WDFY3: variants seen among roughly 807,000 people sequenced by gnomAD.
The protein encoded by WDFY3 is WD repeat and FYVE domain-containing protein 3.
Under a neutral mutation model 409.6 loss-of-function variants are expected in WDFY3, and 66 were observed. The ratio of observed to expected loss-of-function variants is 0.16; its 90% CI spans 0.13 to 0.20. The LOEUF (loss-of-function observed/expected upper bound fraction) is 0.20. Ranked by LOEUF, WDFY3 falls within the 10% of genes least tolerant of loss-of-function variation. The pLI is 1.00. For missense variants in WDFY3, 3,031 were observed against 4,298.1 expected (o/e 0.71, Z 8.24); for synonymous variants, 1,521 against 1,537.1 (o/e 0.99, Z 0.25).
intron 3 of WDFY3, among the ~76,000 whole-genome samples, chr4:84,879,680 A>G (rs1763234021): frequency 6.6e-6 from 1 of 152,176 alleles, no homozygotes; most frequent in African/African-American, 2.4e-5. Context: ...AATAAAAAAA[A>G]AGTAAACACA....
At chr4:84,948,967 T>C (rs1224869215) in intron 1 of WDFY3, among the ~76,000 whole-genome samples, 1 of 152,174 alleles carries the variant, frequency 6.6e-6, no homozygotes, top group East Asian at 1.9e-4. Context: ...CTTCTTCCCC[T>C]TGAATTCCCA....
intron 7 of WDFY3, among the ~76,000 whole-genome samples, chr4:84,835,734 C>CA (rs1179757900): frequency 6.6e-6 from 1 of 152,160 alleles, no homozygotes; most frequent in Non-Finnish European, 1.5e-5. Flanking sequence ...AGCCTGCAAC[C>CA]ATTACTCTAT....
At chr4:84,752,370 GC>G (rs1353069878) in intron 35 of WDFY3, among the ~76,000 whole-genome samples, 1 of 151,914 alleles carries the variant, frequency 6.6e-6, no homozygotes, top group Non-Finnish European at 1.5e-5. Context: ...AAAAAAATTG[GC>G]CAGGCGTAGT....
At chr4:84,935,577 T>C (rs760734968) in intron 1 of WDFY3, among the ~76,000 whole-genome samples, 1 of 152,200 alleles carries the variant, frequency 6.6e-6, no homozygotes, top group Admixed American at 6.5e-5. Context: ...TTGTTTCATG[T>C]GTATTTTATA....
At chr4:84,756,854 T>C in intron 33 of WDFY3, 72 bp downstream of exon 33, 1 of 1,429,770 alleles carries the variant, frequency 7.0e-7, no homozygotes, top group Non-Finnish European at 9.6e-7. Flanking sequence ...GGTTTTACAG[T>C]GATTATCCAT....
At chr4:84,787,849 C>A in intron 22 of WDFY3, 136 bp from the exon 23 acceptor site, 1 of 786,426 alleles carries the variant, frequency 1.3e-6, no homozygotes, top group Non-Finnish European at 2.0e-6. Context: ...GGTGGAGAAA[C>A]AGGAAGGGCA....
chr4:84,736,765 C>G (rs1387804728), intron 41 of WDFY3, among the ~76,000 whole-genome samples: 1 of 151,914 alleles, frequency 6.6e-6, no homozygotes, highest in Non-Finnish European at 1.5e-5. Flanking sequence ...ATTACTGCAA[C>G]AAAATGTATG....
chr4:84,897,103 A>C (rs556884503), intron 2 of WDFY3, 93 bp from the exon 3 acceptor site: 1 of 152,342 alleles, frequency 6.6e-6, no homozygotes, highest in South Asian at 2.1e-4. Flanking sequence ...TATCTCATAC[A>C]TGAGGACTTT....
rs1010215033 is a variant in WDFY3 at position 84,671,797 on chromosome 4, T to C, written c.*1071A>G. On this transcript the variant is annotated 3_prime_UTR_variant, in exon 68 of 68. Transcript: ENST00000295888. ...ATTCAGTTTTACAACAAAGTTTATA[T>C]GTTAATTCTGTACACTTCTTTCTTT... The C allele has an allele frequency of 1.3e-5, 2 of 152,646 alleles. No homozygotes were observed. The highest frequency in any genetic ancestry group is 2.9e-5 in the Non-Finnish European group (2 of 68,038). 9.5% of individuals were successfully genotyped at this position (152,646 alleles called of 1,614,324 possible).
At chr4:84,906,294 A>C (rs887138397) in intron 2 of WDFY3, among the ~76,000 whole-genome samples, 1 of 152,296 alleles carries the variant, frequency 6.6e-6, no homozygotes, top group African/African-American at 2.4e-5. Flanking sequence ...TCATTTCTTA[A>C]AGACCTATGA....
At chr4:84,849,837 G>A in intron 5 of WDFY3, 65 bp downstream of exon 5, 1 of 1,581,992 alleles carries the variant, frequency 6.3e-7, no homozygotes, top group Non-Finnish European at 8.6e-7. Context: ...TAATTTTAAT[G>A]GGACTTTTAC....
intron 4 of WDFY3, among the ~76,000 whole-genome samples, chr4:84,851,710 A>C (rs796688641): frequency 2.2e-4 from 34 of 152,292 alleles, no homozygotes; most frequent in African/African-American, 6.3e-4. Context: ...TGCCTTTAGC[A>C]TGAAAAAATA....
At chr4:84,905,782 C>T (rs1766966676) in intron 2 of WDFY3, among the ~76,000 whole-genome samples, 2 of 152,160 alleles carry the variant, frequency 1.3e-5, no homozygotes, top group South Asian at 4.1e-4. Context: ...CTTCATTCCA[C>T]TCTCCCCCAG....
intron 2 of WDFY3, among the ~76,000 whole-genome samples, chr4:84,901,282 G>A (rs1766306664): frequency 6.6e-6 from 1 of 152,192 alleles, no homozygotes; most frequent in Non-Finnish European, 1.5e-5. Flanking sequence ...GCAGTAATTA[G>A]AGGTGGGGCC....
intron 1 of WDFY3, among the ~76,000 whole-genome samples, chr4:84,962,925 C>T (rs1355266107): frequency 1.3e-5 from 2 of 151,718 alleles, no homozygotes; most frequent in African/African-American, 4.8e-5. Flanking sequence ...TCATCTGCCT[C>T]GGCCTCCCAA....
intron 27 of WDFY3, among the ~76,000 whole-genome samples, chr4:84,775,514 C>T (rs988096996): frequency 2.6e-5 from 4 of 151,348 alleles, no homozygotes; most frequent in South Asian, 2.1e-4. Context: ...AGATGAGATA[C>T]TTCCGAAAAA....
At chr4:84,816,264 T>A (rs1163114477) in intron 13 of WDFY3, among the ~76,000 whole-genome samples, 5 of 152,112 alleles carry the variant, frequency 3.3e-5, no homozygotes, top group African/African-American at 7.2e-5. Context: ...CAAGAGCAGG[T>A]TTTTAGTCAC....
chr4:84,830,130 CAT>C (rs1429650717), intron 8 of WDFY3, among the ~76,000 whole-genome samples: 3 of 152,068 alleles, frequency 2.0e-5, no homozygotes, highest in East Asian at 1.9e-4. Context: ...CTAGCTTTCA[CAT>C]ATGTCACTTA....
intron 1 of WDFY3, among the ~76,000 whole-genome samples, chr4:84,955,069 G>A (rs750948892): frequency 1.2e-4 from 19 of 152,080 alleles, no homozygotes; most frequent in Admixed American, 4.6e-4. Context: ...GCCAGGCAGG[G>A]TGGCATGCCT....
Sources: gnomAD v4.1 joint callset for allele counts (sites outside exome capture counted in the v4.1 genomes callset) on GRCh38, gnomAD v4.1.1 for gene constraint, MANE v1.5 for transcripts, NCBI Gene and HGNC (gene_info 2026-07-23, HGNC 2026-07-21) for gene names.